Variants in TMEM123 observed in about 807,000 individuals in gnomAD.
TMEM123 encodes transmembrane protein 123, also known as porimin.
In TMEM123, 16 loss-of-function variants were observed where a neutral mutation model predicts 19.7. The observed-to-expected ratio is 0.81, with a 90% confidence interval of 0.55 to 1.23. The LOEUF (loss-of-function observed/expected upper bound fraction) is 1.23. TMEM123 is among the 50% of genes most tolerant of loss of function. The pLI is 0.00. For synonymous variants in TMEM123, 118 were observed against 99.4 expected (o/e 1.19, Z -1.12); for missense variants, 313 against 257.8 (o/e 1.21, Z -1.47).
chr11:102,439,129 C>T lies in TMEM123; in HGVS notation c.157+9683G>A, dbSNP rs890995187. ...TGGAGCCCACCACAGCTCAAGGAGG[C>T]CTGCCTGCCTCTGTAGATTCCACCT... On this transcript the variant is annotated intron_variant, in intron 2 of 4. Transcript: ENST00000398136. 1.4e-4 allele frequency among the ~76,000 whole-genome samples: 22 copies of T among 152,186 alleles called. 1 individual carries two copies. Among genetic ancestry groups the T allele is most frequent in the African/African-American group, 5.3e-4 (22 of 41,454 alleles).
Position 102,402,074 on chromosome 11 carries a change from G to T in TMEM123, c.290C>A (p.Thr97Lys), listed in dbSNP as rs35374299. Residue 97 changes from threonine (T) to lysine (K), a missense_variant, in exon 3 of 5, where the codon ACA becomes AAA. Physicochemically the swap from Thr to Lys is moderately conservative, Grantham distance 78. Transcript: ENST00000398136. ...TGTTGAGACCATCCCTGGTGTTGTT[G>T]TATTAGATGCCGCTGTAGGTTTCAT... ...TTMKPTAASN[T>K]TTPGMVSTNM... 4.3e-4 allele frequency: 700 copies of T among 1,613,990 alleles called. No individual in the cohort carries two copies. Among genetic ancestry groups the T allele is most frequent in the Non-Finnish European group, 5.7e-4 (671 of 1,180,024 alleles).
At chr11:102,452,348 G>A (rs1857950551) in intron 1 of TMEM123, 176 bp downstream of exon 1, 2 of 450,828 alleles carry the variant, frequency 4.4e-6, no homozygotes, top group Admixed American at 4.3e-5. Flanking sequence ...CGGGGCCAGC[G>A]GGTGACTGGT....
At chr11:102,408,177 G>A (rs928379607) in intron 2 of TMEM123, among the ~76,000 whole-genome samples, 1 of 152,138 alleles carries the variant, frequency 6.6e-6, no homozygotes, top group Non-Finnish European at 1.5e-5. Context: ...ATGAAGCAAA[G>A]GGCTGTAATA....
chr11:102,399,641 T>G (rs1411427981), intron 4 of TMEM123, among the ~76,000 whole-genome samples: 2 of 152,182 alleles, frequency 1.3e-5, no homozygotes, highest in Admixed American at 6.5e-5. Context: ...ATATGATAAA[T>G]ATATGCAACG....
rs981212611 is a variant in TMEM123 at position 102,396,542 on chromosome 11, G to A, written c.*2325C>T. On this transcript the variant is annotated 3_prime_UTR_variant, in exon 5 of 5. Coordinates refer to ENST00000398136, the MANE Select transcript of TMEM123 (RefSeq NM_052932.3). Reference sequence around the variant, plus strand: ...CAAGGAAATTTTAAAATTGGCTTCTGCCTAGTACTTATACATCTGGATTGT... The same window carrying A: ...CAAGGAAATTTTAAAATTGGCTTCTACCTAGTACTTATACATCTGGATTGT... 1 of 152,042 alleles carries A rather than the reference G, an allele frequency of 6.6e-6. No homozygotes were observed. The highest frequency in any genetic ancestry group is 2.4e-5 in the African/African-American group (1 of 41,384). The allele number at this position is 152,042 out of a possible 1,614,324, so 9.4% of individuals were successfully genotyped here. A position where few individuals can be genotyped will look rare whatever the true frequency, so the allele number is the denominator to read the frequency against.
chr11:102,452,002 A>G (rs904923625), intron 1 of TMEM123, among the ~76,000 whole-genome samples: 1 of 152,228 alleles, frequency 6.6e-6, no homozygotes, highest in East Asian at 1.9e-4. Context: ...CCCGAAGTCT[A>G]ACTTCGAGCG....
chr11:102,409,646 G>A lies in TMEM123; in HGVS notation c.158-7440C>T, dbSNP rs368453788. 2.6e-4 allele frequency among the ~76,000 whole-genome samples: 40 copies of A among 152,190 alleles called. No individual in the cohort carries two copies. In the East Asian group the frequency reaches 4.3e-3, roughly 16 times the overall value. ...CTTTGGGAGGCCCAGGCGGGCAGGCGGGCAGATCACCCGAGTCAGGAATTC... is the reference window on the plus strand; with the variant it reads ...CTTTGGGAGGCCCAGGCGGGCAGGCAGGCAGATCACCCGAGTCAGGAATTC... On this transcript the variant is annotated intron_variant, in intron 2 of 4. Coordinates refer to ENST00000398136, the MANE Select transcript of TMEM123 (RefSeq NM_052932.3).
chr11:102,410,547 A>G (rs1466820253), intron 2 of TMEM123, among the ~76,000 whole-genome samples: 1 of 150,600 alleles, frequency 6.6e-6, no homozygotes, highest in African/African-American at 2.4e-5. Context: ...CAGCCACAAG[A>G]GCATCAGGCT....
chr11:102,425,227 A>G (rs576954244), intron 2 of TMEM123, among the ~76,000 whole-genome samples: 1 of 152,362 alleles, frequency 6.6e-6, no homozygotes, highest in Non-Finnish European at 1.5e-5. Flanking sequence ...AATAGCTAAA[A>G]TAACACTTAA....
intron 2 of TMEM123, among the ~76,000 whole-genome samples, chr11:102,417,628 T>TG (rs1021609056): frequency 2.5e-4 from 38 of 151,644 alleles, no homozygotes; most frequent in African/African-American, 8.0e-4. Context: ...CCACCGTAAG[T>TG]GGAAAAAAGC....
At chr11:102,428,223 A>AT (rs1482705215) in intron 2 of TMEM123, among the ~76,000 whole-genome samples, 2 of 152,164 alleles carry the variant, frequency 1.3e-5, no homozygotes, top group Non-Finnish European at 2.9e-5. Flanking sequence ...TCTAACTTCA[A>AT]TTTTTTATCC....
At chr11:102,448,345 G>A in intron 2 of TMEM123, 1 of 453,018 alleles carries the variant, frequency 2.2e-6, no homozygotes, top group Non-Finnish European at 4.4e-6. Context: ...CACAGGGTAA[G>A]GGCCTCACCA....
intron 2 of TMEM123, among the ~76,000 whole-genome samples, chr11:102,404,627 T>TTGCTCTG (rs1381672771): frequency 3.9e-5 from 6 of 152,142 alleles, no homozygotes; most frequent in African/African-American, 1.4e-4. Flanking sequence ...TGAAACAGTC[T>TTGCTCTG]TGCTCTGTCC....
intron 2 of TMEM123, among the ~76,000 whole-genome samples, chr11:102,410,114 TTTAG>T (rs1310344657): frequency 1.3e-5 from 2 of 152,184 alleles, no homozygotes; most frequent in Admixed American, 6.5e-5. Context: ...ACTACCACAT[TTTAG>T]TTAAACTATC....
At chr11:102,447,550 T>C (rs192600199) in intron 2 of TMEM123, among the ~76,000 whole-genome samples, 1 of 152,346 alleles carries the variant, frequency 6.6e-6, no homozygotes, top group East Asian at 1.9e-4. Context: ...TCTTTATGTT[T>C]CTTCTACCTC....
intron 2 of TMEM123, among the ~76,000 whole-genome samples, chr11:102,446,416 G>A (rs1813781373): frequency 6.6e-6 from 1 of 152,148 alleles, no homozygotes; most frequent in Admixed American, 6.5e-5. Context: ...GTGGTACATT[G>A]GAAAGCAACC....
At chr11:102,406,433 CTG>C (rs1424928167) in intron 2 of TMEM123, among the ~76,000 whole-genome samples, 1 of 152,182 alleles carries the variant, frequency 6.6e-6, no homozygotes, top group Non-Finnish European at 1.5e-5. Flanking sequence ...ACATGAGACA[CTG>C]TGACTGAGCT....
intron 2 of TMEM123, among the ~76,000 whole-genome samples, chr11:102,443,009 AAGG>A (rs1857843673): frequency 6.6e-6 from 1 of 152,254 alleles, no homozygotes; most frequent in African/African-American, 2.4e-5. Flanking sequence ...GGAACTGTTC[AAGG>A]AGAACTACAA....
At chr11:102,440,483 T>C (rs932914825) in intron 2 of TMEM123, among the ~76,000 whole-genome samples, 9 of 152,148 alleles carry the variant, frequency 5.9e-5, no homozygotes, top group African/African-American at 1.9e-4. Flanking sequence ...TAAAATCCTT[T>C]ACAGACAAGC....
Sources: allele counts gnomAD v4.1 joint callset (sites outside exome capture counted in the v4.1 genomes callset), GRCh38; gene constraint gnomAD v4.1.1; transcripts MANE v1.5; gene names NCBI Gene and HGNC (gene_info 2026-07-23, HGNC 2026-07-21).